Variants in ERBB4 observed in about 807,000 individuals in gnomAD.
The protein encoded by ERBB4 is receptor tyrosine-protein kinase erbB-4.
ERBB4 carries 42 observed loss-of-function variants against 158.0 expected under a neutral mutation model. That is an observed-to-expected ratio of 0.27 (90% confidence interval 0.21 to 0.34). The LOEUF (loss-of-function observed/expected upper bound fraction) is 0.34, where lower values mean the gene tolerates loss of function less well. ERBB4 is among the 10% of genes least tolerant of loss of function. The pLI is 1.00. For synonymous variants in ERBB4, 583 were observed against 558.7 expected (o/e 1.04, Z -0.61); for missense variants, 1,333 against 1,624.1 (o/e 0.82, Z 3.08).
At chr2:211,664,365 G>A (rs562328234) in intron 15 of ERBB4, among the ~76,000 whole-genome samples, 28 of 151,390 alleles carry the variant, frequency 1.8e-4, no homozygotes, top group African/African-American at 2.7e-4. Flanking sequence ...GTCTGTATGC[G>A]TCTGTGTGTG....
chr2:211,779,291 G>T (rs986094751), intron 4 of ERBB4: 1 of 152,076 alleles, frequency 6.6e-6, no homozygotes, highest in African/African-American at 2.4e-5. Flanking sequence ...AGGTTTAACC[G>T]GCATCTTATT....
rs188892539 is a variant in ERBB4, at chr2:211,999,834, T to C, written c.235-52218A>G. On this transcript the variant is annotated intron_variant, in intron 2 of 27. Transcript: ENST00000342788. ...ATTCATTTTACTGTAGAATATTTCC[T>C]TACCAAGTTTAGTTTGATGGTCAGC... is the stretch of plus-strand genomic sequence containing the variant. Among the ~76,000 whole-genome samples, 17 of 151,922 alleles carry C rather than the reference T, an allele frequency of 1.1e-4. No individual in the cohort carries two copies. The East Asian group carries it at 3.3e-3, about 29-fold the overall frequency.
chr2:211,466,614 C>T (rs1210856432), intron 20 of ERBB4, among the ~76,000 whole-genome samples: 1 of 152,050 alleles, frequency 6.6e-6, no homozygotes, highest in East Asian at 1.9e-4. Flanking sequence ...AAATAAACAC[C>T]ACACACCTGT....
intron 2 of ERBB4, among the ~76,000 whole-genome samples, chr2:212,013,445 T>G (rs531084323): frequency 1.6e-4 from 24 of 152,182 alleles, no homozygotes; most frequent in Non-Finnish European, 3.1e-4. Flanking sequence ...TTGAATTGGA[T>G]AGCATTCCCT....
chr2:211,825,321 A>G (rs1359571821), intron 3 of ERBB4, among the ~76,000 whole-genome samples: 1 of 151,926 alleles, frequency 6.6e-6, no homozygotes, highest in Non-Finnish European at 1.5e-5. Flanking sequence ...TTGAGAATAC[A>G]TACTTATAGG....
At chr2:211,763,386 T>C (rs369205295) in intron 4 of ERBB4, among the ~76,000 whole-genome samples, 136 of 152,204 alleles carry the variant, frequency 8.9e-4, no homozygotes, top group African/African-American at 2.9e-3. Context: ...AAAACTGAGA[T>C]GGATAAAATT....
At chr2:211,938,268 T>C (rs1323611504) in intron 3 of ERBB4, among the ~76,000 whole-genome samples, 2 of 152,150 alleles carry the variant, frequency 1.3e-5, no homozygotes, top group Non-Finnish European at 2.9e-5. Context: ...CCTTGTTATG[T>C]TCATTTGAAG....
intron 3 of ERBB4, among the ~76,000 whole-genome samples, chr2:211,895,909 A>T (rs749787399): frequency 2.0e-5 from 3 of 152,086 alleles, no homozygotes; most frequent in Non-Finnish European, 4.4e-5. Flanking sequence ...TCTCATGAAC[A>T]GTTGTTCAGT....
At chr2:212,468,465 T>C (rs1375783543) in intron 1 of ERBB4, among the ~76,000 whole-genome samples, 1 of 152,142 alleles carries the variant, frequency 6.6e-6, no homozygotes, top group African/African-American at 2.4e-5. Flanking sequence ...AATGGGAGTT[T>C]CTCTGCACAA....
At chr2:212,267,258 T>C (rs531749067) in intron 1 of ERBB4, among the ~76,000 whole-genome samples, 8 of 152,040 alleles carry the variant, frequency 5.3e-5, no homozygotes, top group Non-Finnish European at 5.9e-5. Flanking sequence ...AAAAGAGAAT[T>C]ATCAATAGAA....
At chr2:212,183,307 T>G (rs543113801) in intron 1 of ERBB4, among the ~76,000 whole-genome samples, 1 of 152,122 alleles carries the variant, frequency 6.6e-6, no homozygotes, top group South Asian at 2.1e-4. Flanking sequence ...TCTATGGATT[T>G]TATATGCTAA....
intron 2 of ERBB4, among the ~76,000 whole-genome samples, chr2:212,114,119 T>C (rs2079503962): frequency 1.3e-5 from 2 of 152,208 alleles, no homozygotes; most frequent in South Asian, 2.1e-4. Context: ...GTACTTGTTA[T>C]TTAGGAGTGT....
At chr2:212,069,265 G>T (rs918464268) in intron 2 of ERBB4, among the ~76,000 whole-genome samples, 1 of 151,914 alleles carries the variant, frequency 6.6e-6, no homozygotes, top group South Asian at 2.1e-4. Flanking sequence ...GGAACACAAG[G>T]TTGGTTTAAC....
chr2:212,174,747 A>C (rs984102694), intron 1 of ERBB4, among the ~76,000 whole-genome samples: 16 of 152,148 alleles, frequency 1.1e-4, no homozygotes, highest in Admixed American at 4.6e-4. Flanking sequence ...TACAACTTTC[A>C]GTTTTTTCTT....
In ERBB4 at chr2:212,303,818, C is replaced by A. The variant is rs13027912; in HGVS notation, c.83-178915G>T. ...GCCATGTTTTCCCTGAGACACTTAG[C>A]TGATCTTATAAATATTTAATGCAGG... is the stretch of plus-strand genomic sequence containing the variant. On this transcript the variant is annotated intron_variant, in intron 1 of 27. Transcript: ENST00000342788. Among the ~76,000 whole-genome samples, 97 of 151,540 alleles carry A rather than the reference C, an allele frequency of 6.4e-4. 3 individuals are homozygous for A. The East Asian group carries it at 0.018, about 28-fold the overall frequency.
At chr2:211,694,566 T>TTC (rs1268214323) in intron 12 of ERBB4, among the ~76,000 whole-genome samples, 9 of 151,892 alleles carry the variant, frequency 5.9e-5, no homozygotes, top group African/African-American at 2.2e-4. Flanking sequence ...GAATGCTTTT[T>TTC]TTTTTTTACA....
intron 1 of ERBB4, among the ~76,000 whole-genome samples, chr2:212,256,255 TTAAC>T (rs1427025035): frequency 6.6e-6 from 1 of 152,192 alleles, no homozygotes; most frequent in Non-Finnish European, 1.5e-5. Context: ...AAATATTGCT[TTAAC>T]TAGCAATTTT....
chr2:211,477,253 T>C (rs1224885761), intron 20 of ERBB4, among the ~76,000 whole-genome samples: 1 of 152,036 alleles, frequency 6.6e-6, no homozygotes, highest in East Asian at 1.9e-4. Flanking sequence ...CCTGTGATTT[T>C]AGATTTACCA....
intron 2 of ERBB4, among the ~76,000 whole-genome samples, chr2:212,080,271 C>T (rs915988802): frequency 6.6e-6 from 1 of 151,334 alleles, no homozygotes; most frequent in Non-Finnish European, 1.5e-5. Context: ...CGGGATTGTG[C>T]CACTGCACTC....
Sources: allele counts gnomAD v4.1 joint callset (sites outside exome capture counted in the v4.1 genomes callset), GRCh38; gene constraint gnomAD v4.1.1; transcripts MANE v1.5; gene names NCBI Gene and HGNC (gene_info 2026-07-23, HGNC 2026-07-21).